NLGN1: variants seen among roughly 807,000 people sequenced by gnomAD.
The protein encoded by NLGN1 is neuroligin 1, also known as neuroligin-1.
NLGN1 carries 12 observed loss-of-function variants against 65.5 expected under a neutral mutation model. The ratio of observed to expected loss-of-function variants is 0.18; its 90% CI spans 0.12 to 0.30. The LOEUF is 0.30. Among genes scored for constraint, NLGN1 ranks in the 10% least tolerant of loss-of-function variants. The pLI is 1.00. For synonymous variants in NLGN1, 350 were observed against 359.5 expected (o/e 0.97, Z 0.30); for missense variants, 750 against 1,007.1 (o/e 0.74, Z 3.46).
intron 4 of NLGN1, among the ~76,000 whole-genome samples, chr3:174,065,636 A>G (rs1486561957): frequency 6.6e-6 from 1 of 151,814 alleles, no homozygotes; most frequent in African/African-American, 2.4e-5. Flanking sequence ...TTCTTCTGGT[A>G]TACAAAGTTC....
intron 2 of NLGN1, among the ~76,000 whole-genome samples, chr3:173,571,572 A>C (rs1036147715): frequency 6.6e-6 from 1 of 152,238 alleles, no homozygotes; most frequent in Non-Finnish European, 1.5e-5. Context: ...AATTTTATTA[A>C]AAGAAAAATA....
intron 2 of NLGN1, among the ~76,000 whole-genome samples, chr3:173,535,721 G>A (rs1312391507): frequency 1.3e-5 from 2 of 152,098 alleles, no homozygotes; most frequent in African/African-American, 4.8e-5. Flanking sequence ...TTTAATAGTT[G>A]GCTTACATTT....
chr3:174,219,219 T>A (rs1738192270), intron 4 of NLGN1, among the ~76,000 whole-genome samples: 1 of 152,054 alleles, frequency 6.6e-6, no homozygotes, highest in Admixed American at 6.6e-5. Flanking sequence ...ATGGAAGATA[T>A]TGCTAAAAGG....
chr3:173,597,063 G>T (rs1193015673), intron 2 of NLGN1, among the ~76,000 whole-genome samples: 1 of 152,080 alleles, frequency 6.6e-6, no homozygotes, highest in Non-Finnish European at 1.5e-5. Flanking sequence ...AACTAACCCC[G>T]GCAAGCAGAT....
chr3:174,183,888 G>C (rs1730909741), intron 4 of NLGN1, among the ~76,000 whole-genome samples: 1 of 152,158 alleles, frequency 6.6e-6, no homozygotes, highest in African/African-American at 2.4e-5. Context: ...CTTGGTGAGA[G>C]CAGTCAATGT....
intron 2 of NLGN1, among the ~76,000 whole-genome samples, chr3:173,521,343 A>G (rs1734724939): frequency 6.6e-6 from 1 of 152,348 alleles, no homozygotes; most frequent in African/African-American, 2.4e-5. Context: ...TGGTGAAGCC[A>G]CAGATCACAT....
intron 4 of NLGN1, among the ~76,000 whole-genome samples, chr3:174,107,009 CACACACACAGAGAG>C (rs1417104508): frequency 1.2e-4 from 14 of 118,834 alleles, no homozygotes; most frequent in African/African-American, 4.8e-4. Context: ...CACACACACA[CACACACACAGAGAG>C]AGAGAGAGAG....
intron 2 of NLGN1, among the ~76,000 whole-genome samples, chr3:173,447,238 T>G (rs1720531588): frequency 6.6e-6 from 1 of 152,248 alleles, no homozygotes; most frequent in Non-Finnish European, 1.5e-5. Flanking sequence ...AATTAATTTT[T>G]GTATAAGGTG....
intron 4 of NLGN1, among the ~76,000 whole-genome samples, chr3:174,200,999 T>G (rs1047496278): frequency 1.7e-4 from 26 of 152,066 alleles, no homozygotes; most frequent in African/African-American, 6.0e-4. Context: ...CACTTTAGAA[T>G]GCCGAGGTAG....
At chr3:173,463,780 C>T (rs956099771) in intron 2 of NLGN1, among the ~76,000 whole-genome samples, 1 of 152,116 alleles carries the variant, frequency 6.6e-6, no homozygotes, top group Non-Finnish European at 1.5e-5. Context: ...CCAGCTGTCT[C>T]ATATTAATCC....
intron 4 of NLGN1, among the ~76,000 whole-genome samples, chr3:174,083,165 A>G (rs1742588016): frequency 6.6e-6 from 1 of 152,244 alleles, no homozygotes; most frequent in African/African-American, 2.4e-5. Context: ...CATGTATAGT[A>G]GATGAACATA....
At chr3:173,935,716 A>G (rs1392809838) in intron 4 of NLGN1, among the ~76,000 whole-genome samples, 1 of 151,800 alleles carries the variant, frequency 6.6e-6, no homozygotes, top group African/African-American at 2.4e-5. Flanking sequence ...ACCAGAAATT[A>G]GATTTTGGAT....
intron 4 of NLGN1, among the ~76,000 whole-genome samples, chr3:173,839,759 T>A (rs1268386886): frequency 6.6e-6 from 1 of 152,176 alleles, no homozygotes; most frequent in Non-Finnish European, 1.5e-5. Flanking sequence ...TAAACTTTCA[T>A]TAAAGGGCTA....
intron 4 of NLGN1, among the ~76,000 whole-genome samples, chr3:174,123,171 A>G (rs1204368339): frequency 1.3e-5 from 2 of 152,122 alleles, no homozygotes; most frequent in Non-Finnish European, 2.9e-5. Flanking sequence ...ATCAAGATTC[A>G]TAATTGAGAA....
chr3:173,956,246 G>A (rs1712006814), intron 4 of NLGN1, among the ~76,000 whole-genome samples: 1 of 152,086 alleles, frequency 6.6e-6, no homozygotes, highest in South Asian at 2.1e-4. Flanking sequence ...AGTGAATCAA[G>A]ACAAGAATAC....
At chr3:173,965,700 C>T (rs560830010) in intron 4 of NLGN1, among the ~76,000 whole-genome samples, 1 of 152,020 alleles carries the variant, frequency 6.6e-6, no homozygotes, top group Non-Finnish European at 1.5e-5. Flanking sequence ...TGGATTTTCT[C>T]TTTTTCAGGA....
intron 4 of NLGN1, chr3:173,910,496 T>C (rs561546204): frequency 2.0e-5 from 3 of 152,316 alleles, no homozygotes; most frequent in African/African-American, 7.2e-5. Flanking sequence ...AGTGATTCTC[T>C]CTTTCTTCTT....
intron 2 of NLGN1, among the ~76,000 whole-genome samples, chr3:173,526,437 T>C (rs1735655912): frequency 6.6e-6 from 1 of 152,130 alleles, no homozygotes; most frequent in Non-Finnish European, 1.5e-5. Context: ...TATCTTTTTC[T>C]ATCCCTTTGT....
chr3:173,537,219 G>A (rs1441944669), intron 2 of NLGN1, among the ~76,000 whole-genome samples: 4 of 152,140 alleles, frequency 2.6e-5, no homozygotes, highest in Non-Finnish European at 5.9e-5. Context: ...AAATCCACGT[G>A]TTGTCAACTT....
Sources: allele counts gnomAD v4.1 joint callset (sites outside exome capture counted in the v4.1 genomes callset), GRCh38; gene constraint gnomAD v4.1.1; transcripts MANE v1.5; gene names NCBI Gene and HGNC (gene_info 2026-07-23, HGNC 2026-07-21).